Variants in PLK3 observed in about 807,000 individuals in gnomAD.
PLK3 encodes polo like kinase 3.
PLK3 carries 41 observed loss-of-function variants against 71.6 expected under a neutral mutation model. The ratio of observed to expected loss-of-function variants is 0.57; its 90% CI spans 0.45 to 0.74. PLK3 has a LOEUF of 0.74. PLK3 is among the 30% of genes least tolerant of loss of function. The pLI, the probability that PLK3 is intolerant of heterozygous loss-of-function variation, is 0.00. For synonymous variants in PLK3, 366 were observed against 355.4 expected (o/e 1.03, Z -0.33); for missense variants, 791 against 875.6 (o/e 0.90, Z 1.22).
Position 44,800,737 on chromosome 1 carries a change from C to G in PLK3, c.210+64C>G, listed in dbSNP as rs984169040. 4.7e-5 allele frequency: 72 copies of G among 1,534,912 alleles called. No individual in the cohort carries two copies. The African/African-American group carries it at 9.2e-4, about 20-fold the overall frequency. Reference sequence around the variant, plus strand: ...GTGGGGGTCCCGGCCGGCCTCTTTTCTGGCGCCGAGCAGGGCGTGGGCACT... The same window carrying G: ...GTGGGGGTCCCGGCCGGCCTCTTTTGTGGCGCCGAGCAGGGCGTGGGCACT... On this transcript the variant is annotated intron_variant, in intron 1 of 14. Coordinates refer to ENST00000372201, the MANE Select transcript of PLK3 (RefSeq NM_004073.4). This position sits in a 1 kb window ranked among gnomAD's most constrained non-coding sequence, Gnocchi z 6.5.
rs1200084634 is a variant in PLK3, at chr1:44,804,295, G to A, written c.1343-44G>A. On this transcript the variant is annotated intron_variant, in intron 11 of 14. Coordinates refer to ENST00000372201, the MANE Select transcript of PLK3 (RefSeq NM_004073.4). ...CTGCTGTGGTGGGAGTTCTGTGGCTGGGAGGCCAGGAGCAGGTGCTGACTC... is the reference window on the plus strand; with the variant it reads ...CTGCTGTGGTGGGAGTTCTGTGGCTAGGAGGCCAGGAGCAGGTGCTGACTC... The A allele has an allele frequency of 1.9e-6, 3 of 1,613,402 alleles. No homozygotes were observed. In the South Asian group the frequency reaches 3.3e-5, roughly 18 times the overall value.
Position 44,801,140 on chromosome 1 carries a change from C to T in PLK3, c.423C>T (p.Leu141=). The change falls in exon 3 of 15, where the codon CTC becomes CTT. Residue 141 remains leucine (L), a synonymous_variant. Coordinates refer to ENST00000372201, the MANE Select transcript of PLK3 (RefSeq NM_004073.4). ...ACAACATCTACATTTTCTTGGAGCT[C>T]TGCAGCCGAAAGGTGAAAGATGGTG... is the stretch of plus-strand genomic sequence containing the variant. ...DADNIYIFLE[L]CSRKSLAHIW... 6.2e-7 allele frequency: 1 copy of T among 1,608,274 alleles called. No homozygotes were observed. The highest frequency in any genetic ancestry group is 8.5e-7 in the Non-Finnish European group (1 of 1,176,224).
Position 44,803,149 on chromosome 1 carries a change from C to T in PLK3, c.944C>T (p.Thr315Ile). Residue 315 changes from threonine to isoleucine, a missense_variant, in exon 7 of 15, where the codon ACC (threonine) becomes ATC (isoleucine). By Grantham distance (89) the Thr-to-Ile change is moderately conservative (BLOSUM62 -1). Transcript: ENST00000372201. This position sits in a 1 kb window ranked among gnomAD's most constrained non-coding sequence, Gnocchi z 4.3. ...IDQILRHDFF[T>I]KGYTPDRLPI... ...CAGATCCTGCGCCATGACTTCTTTA[C>T]CAAGGTCTGTGGCTCCCCAGACCTC... The T allele has an allele frequency of 6.2e-7, 1 of 1,613,924 alleles. No homozygotes were observed.
rs753230614 is a variant in PLK3 at position 44,804,354 on chromosome 1, C to A, written c.1358C>A (p.Ala453Asp). The A allele has an allele frequency of 6.2e-7, 1 of 1,613,822 alleles. No individual in the cohort carries two copies. Among genetic ancestry groups the A allele is most frequent in the Non-Finnish European group, 8.5e-7 (1 of 1,179,826 alleles). ...AFMPPAEQNP[A>D]PLAQPEPLVW... ...CCCATGACAGCGGAACAGAACCCGGCCCCCCTGGCCCAGCCAGAGCCTCTG... is the reference window on the plus strand; with the variant it reads ...CCCATGACAGCGGAACAGAACCCGGACCCCCTGGCCCAGCCAGAGCCTCTG... The change falls in exon 12 of 15, where the codon GCC becomes GAC. Residue 453 changes from alanine to aspartate, a missense_variant. Transcript: ENST00000372201.
intron 5 of PLK3, among the ~76,000 whole-genome samples, chr1:44,802,252 T>C (rs1651857643): frequency 6.6e-6 from 1 of 152,014 alleles, no homozygotes; most frequent in African/African-American, 2.4e-5. Flanking sequence ...AGGCAGCGTG[T>C]ATGTGTGTGT....
In PLK3 at chr1:44,801,948, AG is replaced by A. The variant is rs774543553; in HGVS notation, c.653+20del. ...AGAGGAAGAAGTGAGTTTTGAGGAAAGGGGCCCTGTGTGTGATACAGATGAC... is the reference window on the plus strand; with the variant it reads ...AGAGGAAGAAGTGAGTTTTGAGGAAAGGGCCCTGTGTGTGATACAGATGAC... On this transcript the variant is annotated intron_variant, in intron 5 of 14. Coordinates refer to ENST00000372201, the MANE Select transcript of PLK3 (RefSeq NM_004073.4). 14 of 1,592,978 alleles carry A rather than the reference AG, an allele frequency of 8.8e-6. No individual in the cohort carries two copies.
chr1:44,804,581 G>A (rs1651946501), intron 12 of PLK3, 69 bp from the exon 13 acceptor site: 2 of 1,604,154 alleles, frequency 1.2e-6, no homozygotes, highest in Non-Finnish European at 1.7e-6. Context: ...CCTGGGCTCA[G>A]GGGTCTGGGT....
Position 44,804,321 on chromosome 1 carries a change from C to T in PLK3, c.1343-18C>T. 1 of 1,613,960 alleles carries T rather than the reference C, an allele frequency of 6.2e-7. No individual in the cohort carries two copies. The highest frequency in any genetic ancestry group is 8.5e-7 in the Non-Finnish European group (1 of 1,179,914). On this transcript the variant is annotated intron_variant, in intron 11 of 14. Transcript: ENST00000372201. ...GGAGGCCAGGAGCAGGTGCTGACTC[C>T]CTCCTCTCCCATGACAGCGGAACAG...
intron 5 of PLK3, among the ~76,000 whole-genome samples, chr1:44,802,383 T>A (rs1299512126): frequency 6.6e-6 from 1 of 152,086 alleles, no homozygotes; most frequent in East Asian, 1.9e-4. Context: ...GATGAGTGTT[T>A]ATGGGGGTTG....
rs1273504993 is a variant in PLK3, at chr1:44,801,928, A to C, written c.649A>C (p.Lys217Gln). 6.2e-7 allele frequency: 1 copy of C among 1,611,742 alleles called. No individual in the cohort carries two copies. Among genetic ancestry groups the C allele is most frequent in the African/African-American group, 1.3e-5 (1 of 74,930 alleles). The change falls in exon 5 of 15, where the codon AAG becomes CAG. Residue 217 changes from lysine to glutamine, a missense_variant. Coordinates refer to ENST00000372201, the MANE Select transcript of PLK3 (RefSeq NM_004073.4). ...CCGGTTGGAGCCTCCGGAGCAGAGG[A>C]AGAAGTGAGTTTTGAGGAAAGGGGC... ...AARLEPPEQR[K>Q]KTICGTPNYV...
chr1:44,803,872 G>T lies in PLK3; in HGVS notation c.1165-59G>T. On this transcript the variant is annotated intron_variant, in intron 9 of 14. Coordinates refer to ENST00000372201, the MANE Select transcript of PLK3 (RefSeq NM_004073.4). The surrounding 1 kb of genome is among the most constrained non-coding windows in gnomAD (Gnocchi z 4.3). ...GGAGCCAGGGCAGGGCCAGGCCATG[G>T]ACTCAAGGGTTTGGATTTTGGGGCC... 7.5e-7 allele frequency: 1 copy of T among 1,325,482 alleles called. No homozygotes were observed. The highest frequency in any genetic ancestry group is 1.3e-5 in the South Asian group (1 of 79,306). 82.1% of individuals were successfully genotyped at this position (1,325,482 alleles called of 1,614,324 possible). A position where few individuals can be genotyped will look rare whatever the true frequency, so the allele number is the denominator to read the frequency against.
rs989061985 is a variant in PLK3 at position 44,801,724 on chromosome 1, G to T, written c.538G>T (p.Gly180Cys). The T allele has an allele frequency of 1.2e-6, 2 of 1,611,772 alleles. No homozygotes were observed. Among genetic ancestry groups the T allele is most frequent in the Non-Finnish European group, 1.7e-6 (2 of 1,178,966 alleles). Residue 180 changes from glycine to cysteine, a missense_variant, in exon 4 of 15, where the codon GGC becomes TGC. Transcript: ENST00000372201. ...LSGLKYLHQR[G>C]ILHRDLKLGN... ...TGGCCTCAAGTACTTGCACCAGCGC[G>T]GCATCTTGCACCGGGACCTCAAGTT...
In PLK3 at chr1:44,801,510, G is replaced by C. The variant is rs905642600; in HGVS notation, c.436-112G>C. Reference sequence around the variant, plus strand: ...GGCGTGAGCCACTACACCCAGCCGAGAAGACAGTCTTAAGACCCAAAGCTG... The same window carrying C: ...GGCGTGAGCCACTACACCCAGCCGACAAGACAGTCTTAAGACCCAAAGCTG... On this transcript the variant is annotated intron_variant, in intron 3 of 14. Transcript: ENST00000372201. 11 of 1,190,320 alleles carry C rather than the reference G, an allele frequency of 9.2e-6. No homozygotes were observed. In the Admixed American group the frequency reaches 1.3e-4, roughly 14 times the overall value. 73.7% of individuals were successfully genotyped at this position (1,190,320 alleles called of 1,614,324 possible).
chr1:44,803,311 TCCCAGA>T lies in PLK3; in HGVS notation c.995_1000del (p.Pro332_Asp333del). On this transcript the variant is annotated inframe_deletion, in exon 8 of 15. Transcript: ENST00000372201. This position sits in a 1 kb window ranked among gnomAD's most constrained non-coding sequence, Gnocchi z 4.3. ...CTCCCTATCAGCAGCTGCGTGACAGTCCCAGACCTGACACCCCCCAACCCAGCTAGG... is the reference window on the plus strand; with the variant it reads ...CTCCCTATCAGCAGCTGCGTGACAGTCCTGACACCCCCCAACCCAGCTAGG... 6.2e-7 allele frequency: 1 copy of T among 1,614,088 alleles called. No homozygotes were observed.
Position 44,800,887 on chromosome 1 carries a change from C to G in PLK3, c.258C>G (p.Ser86Arg), listed in dbSNP as rs1013901879. Residue 86 changes from serine to arginine, a missense_variant, in exon 2 of 15, where the codon AGC becomes AGG. Ser to Arg is a moderately radical substitution (Grantham distance 110). Coordinates refer to ENST00000372201, the MANE Select transcript of PLK3 (RefSeq NM_004073.4). The surrounding 1 kb of genome is among the most constrained non-coding windows in gnomAD (Gnocchi z 6.5). ...CYEATDTETG[S>R]AYAVKVIPQS... ...AGGCCACTGACACAGAGACTGGCAG[C>G]GCCTACGCTGTCAAAGTCATCCCGC... is the stretch of plus-strand genomic sequence containing the variant. 3.7e-6 allele frequency: 6 copies of G among 1,611,780 alleles called. No homozygotes were observed. The Admixed American group carries it at 1.0e-4, about 27-fold the overall frequency.
In PLK3 at chr1:44,800,972, G is replaced by A. The variant is rs1651808290; in HGVS notation, c.318+25G>A. 6 of 1,609,116 alleles carry A rather than the reference G, an allele frequency of 3.7e-6. No individual in the cohort carries two copies. The highest frequency in any genetic ancestry group is 1.3e-5 in the African/African-American group (1 of 74,838). The stretch of plus-strand genomic sequence containing the variant: ...GGTGGGTCCAGGCTCAGCGGGCGAG[G>A]GGTGGGGTGGGGACGGTGGCATGGG... On this transcript the variant is annotated intron_variant, in intron 2 of 14. Transcript: ENST00000372201. The surrounding 1 kb of genome is among the most constrained non-coding windows in gnomAD (Gnocchi z 6.5).
Position 44,803,468 on chromosome 1 carries a change from G to A in PLK3, c.1072+77G>A, listed in dbSNP as rs1651905130. ...TCACATTTGTCTTGGGTGTGTGAGT[G>A]TGGGTGCCTGGAAACTCCTGGGGAG... On this transcript the variant is annotated intron_variant, in intron 8 of 14. Transcript: ENST00000372201. The surrounding 1 kb of genome is among the most constrained non-coding windows in gnomAD (Gnocchi z 4.3). 3.1e-6 allele frequency: 5 copies of A among 1,602,690 alleles called. No individual in the cohort carries two copies. The highest frequency in any genetic ancestry group is 4.3e-6 in the Non-Finnish European group (5 of 1,171,808).
intron 5 of PLK3, 60 bp downstream of exon 5, chr1:44,801,992 C>A: frequency 1.5e-6 from 2 of 1,292,652 alleles, no homozygotes; most frequent in Non-Finnish European, 2.2e-6. Flanking sequence ...ATAGACAGTG[C>A]ATATGTATGT....
chr1:44,800,527 C>T lies in PLK3; in HGVS notation c.64C>T (p.Pro22Ser). Residue 22 changes from proline (P) to serine (S), a missense_variant, in exon 1 of 15, where the codon CCC becomes TCC. Transcript: ENST00000372201. The surrounding 1 kb of genome is among the most constrained non-coding windows in gnomAD (Gnocchi z 6.5). ...PFQRAAAAPA[P>S]PAGPGPPPSA... The stretch of plus-strand genomic sequence containing the variant: ...CCAGCGTGCGGCCGCCGCGCCCGCT[C>T]CCCCGGCCGGGCCCGGGCCGCCTCC... 1.4e-6 allele frequency: 2 copies of T among 1,462,636 alleles called. No homozygotes were observed. The highest frequency in any genetic ancestry group is 1.5e-5 in the African/African-American group (1 of 67,556). 90.6% of individuals were successfully genotyped at this position (1,462,636 alleles called of 1,614,324 possible). A position where few individuals can be genotyped will look rare whatever the true frequency, so the allele number is the denominator to read the frequency against.
Sources: gnomAD v4.1 joint callset for allele counts (sites outside exome capture counted in the v4.1 genomes callset) on GRCh38, gnomAD v4.1.1 for gene constraint, Gnocchi (gnomAD v3.1) non-coding constraint, MANE v1.5 for transcripts, NCBI Gene and HGNC (gene_info 2026-07-23, HGNC 2026-07-21) for gene names.